Variants in DYRK3 observed in about 807,000 individuals in gnomAD.
DYRK3 encodes the protein dual specificity tyrosine-phosphorylation-regulated kinase 3.
DYRK3 carries 30 observed loss-of-function variants against 40.8 expected under a neutral mutation model. The ratio of observed to expected loss-of-function variants is 0.74; its 90% CI spans 0.55 to 1.00. The LOEUF (loss-of-function observed/expected upper bound fraction) is 1.00, where lower values mean the gene tolerates loss of function less well. DYRK3 is among the 50% of genes least tolerant of loss of function. The pLI is 0.00. For synonymous variants in DYRK3, 272 were observed against 260.7 expected (o/e 1.04, Z -0.42); for missense variants, 699 against 731.5 (o/e 0.96, Z 0.51).
chr1:206,641,023 G>A (rs1013320038), intron 2 of DYRK3, among the ~76,000 whole-genome samples: 81 of 152,084 alleles, frequency 5.3e-4, no homozygotes, highest in African/African-American at 1.9e-3. Context: ...ACTTGGTAGA[G>A]TCAGTCATAT....
rs997505401 is a variant in DYRK3, at chr1:206,652,301, A to G, written c.*3336A>G. 2.6e-5 allele frequency among the ~76,000 whole-genome samples: 4 copies of G among 152,128 alleles called. No homozygotes were observed. Among genetic ancestry groups the G allele is most frequent in the Non-Finnish European group, 2.9e-5 (2 of 68,020 alleles). On this transcript the variant is annotated 3_prime_UTR_variant, in exon 3 of 3. Coordinates refer to ENST00000367109, the MANE Select transcript of DYRK3 (RefSeq NM_003582.4). ...TAAGCAAACTGTTAAAAGCATTACT[A>G]CCCCATATGCATCTGATGTACACTG... is the stretch of plus-strand genomic sequence containing the variant.
In DYRK3 at chr1:206,654,812, A is replaced by G. The variant is rs909407301; in HGVS notation, c.*5847A>G. On this transcript the variant is annotated 3_prime_UTR_variant, in exon 3 of 3. Coordinates refer to ENST00000367109, the MANE Select transcript of DYRK3 (RefSeq NM_003582.4). ...GAAGAAGCAGGGTATGATTCTTAAT[A>G]TAGCCCACCCATCGCTAAGTCAAGC... Among the ~76,000 whole-genome samples the G allele has an allele frequency of 6.6e-6, 1 of 152,248 alleles. No individual in the cohort carries two copies. The highest frequency in any genetic ancestry group is 2.1e-4 in the South Asian group (1 of 4,834).
At chr1:206,635,988 G>A (rs960433877) in intron 1 of DYRK3, 23 of 1,390,512 alleles carry the variant, frequency 1.7e-5, no homozygotes, top group Admixed American at 1.1e-4. Flanking sequence ...CGGGGGACGG[G>A]GCTAGAGCGG....
Position 206,652,566 on chromosome 1 carries a change from G to GTGA in DYRK3, c.*3604_*3606dup, listed in dbSNP as rs1671659352. On this transcript the variant is annotated 3_prime_UTR_variant, in exon 3 of 3. Transcript: ENST00000367109. ...CTGCCTCAATTTGGCAACCGAGAGA[G>GTGA]TGATGCAGAGCAGAGTCATTGAAGT... 6.6e-6 allele frequency among the ~76,000 whole-genome samples: 1 copy of GTGA among 152,220 alleles called. No individual in the cohort carries two copies. The highest frequency in any genetic ancestry group is 2.4e-5 in the African/African-American group (1 of 41,462).
intron 2 of DYRK3, among the ~76,000 whole-genome samples, chr1:206,639,588 A>G (rs1323905414): frequency 2.0e-5 from 3 of 150,872 alleles, no homozygotes; most frequent in African/African-American, 4.9e-5. Context: ...CACCCTCCCA[A>G]GTAGCTGGGA....
intron 2 of DYRK3, among the ~76,000 whole-genome samples, chr1:206,645,254 T>C (rs1217935028): frequency 3.3e-5 from 5 of 152,180 alleles, no homozygotes. Flanking sequence ...AAGGTTTGAC[T>C]ACTTTTTAGC....
At chr1:206,638,540 C>T (rs1558554774) in intron 2 of DYRK3, among the ~76,000 whole-genome samples, 1 of 151,060 alleles carries the variant, frequency 6.6e-6, no homozygotes, top group Non-Finnish European at 1.5e-5. Flanking sequence ...TCCCAAAGTG[C>T]TGGGATTACA....
intron 2 of DYRK3, among the ~76,000 whole-genome samples, chr1:206,645,717 G>A (rs1195725206): frequency 6.6e-6 from 1 of 150,782 alleles, no homozygotes; most frequent in Non-Finnish European, 1.5e-5. Context: ...AGTAGAGGTG[G>A]GGTTTTGCCA....
chr1:206,651,607 G>GTAGGCCCAACAGTGTCATGA lies in DYRK3; in HGVS notation c.*2643_*2662dup, dbSNP rs1334060281. ...ACATTGACTTATGAATGGTTTTCCT[G>GTAGGCCCAACAGTGTCATGA]TAGGCCCAACAGTGTCATGACCCTC... On this transcript the variant is annotated 3_prime_UTR_variant, in exon 3 of 3. Transcript: ENST00000367109. Among the ~76,000 whole-genome samples the GTAGGCCCAACAGTGTCATGA allele has an allele frequency of 6.6e-6, 1 of 152,178 alleles. No individual in the cohort carries two copies. The highest frequency in any genetic ancestry group is 1.5e-5 in the Non-Finnish European group (1 of 68,032).
chr1:206,650,159 T>G lies in DYRK3; in HGVS notation c.*1194T>G, dbSNP rs1413348790. ...TAAGCCAGTGTCCTACTTACAAGGGTGGAGACGGGACAGAAGCTAACTCAC... is the reference window on the plus strand; with the variant it reads ...TAAGCCAGTGTCCTACTTACAAGGGGGGAGACGGGACAGAAGCTAACTCAC... On this transcript the variant is annotated 3_prime_UTR_variant, in exon 3 of 3. Coordinates refer to ENST00000367109, the MANE Select transcript of DYRK3 (RefSeq NM_003582.4). Among the ~76,000 whole-genome samples, 1 of 152,246 alleles carries G rather than the reference T, an allele frequency of 6.6e-6. No homozygotes were observed. Among genetic ancestry groups the G allele is most frequent in the Non-Finnish European group, 1.5e-5 (1 of 68,048 alleles).
At chr1:206,643,101 A>T (rs972827291) in intron 2 of DYRK3, among the ~76,000 whole-genome samples, 9 of 152,046 alleles carry the variant, frequency 5.9e-5, no homozygotes, top group Admixed American at 4.6e-4. Context: ...AGTGCAGCCT[A>T]TGTTGAGAAT....
rs55721647 is a variant in DYRK3 at position 206,647,778 on chromosome 1, G to T, written c.580G>T (p.Asp194Tyr). ...CAATAATGGAGGGTATGATGATGCA[G>T]ATGGGGCCTATATTCATGTACCTCG... is the stretch of plus-strand genomic sequence containing the variant. ...GPNNGGYDDA[D>Y]GAYIHVPRDH... Residue 194 changes from aspartate (D) to tyrosine (Y), a missense_variant, in exon 3 of 3, where the codon GAT (aspartate) becomes TAT (tyrosine). By Grantham distance (160) the Asp-to-Tyr change is radical. Coordinates refer to ENST00000367109, the MANE Select transcript of DYRK3 (RefSeq NM_003582.4). The T allele has an allele frequency of 3.9e-5, 63 of 1,614,042 alleles. No individual in the cohort carries two copies. The highest frequency in any genetic ancestry group is 5.2e-5 in the Non-Finnish European group (61 of 1,180,036).
intron 2 of DYRK3, among the ~76,000 whole-genome samples, chr1:206,645,682 CTTTT>C (rs1226901506): frequency 2.4e-5 from 3 of 126,934 alleles, no homozygotes; most frequent in Non-Finnish European, 5.1e-5. Flanking sequence ...TCACATCTGG[CTTTT>C]TTTTTTTTTT....
chr1:206,644,749 A>G (rs1175309332), intron 2 of DYRK3, among the ~76,000 whole-genome samples: 1 of 152,168 alleles, frequency 6.6e-6, no homozygotes, highest in Non-Finnish European at 1.5e-5. Flanking sequence ...CATGTTGGCC[A>G]TGCTGGTCTC....
intron 1 of DYRK3, 55 bp downstream of exon 1, chr1:206,635,835 G>C: frequency 8.1e-7 from 1 of 1,241,390 alleles, no homozygotes; most frequent in Non-Finnish European, 1.0e-6. Context: ...GGCTGGCGCT[G>C]GCAAGCGAAG....
At chr1:206,639,697 T>G (rs2102332153) in intron 2 of DYRK3, among the ~76,000 whole-genome samples, 1 of 151,972 alleles carries the variant, frequency 6.6e-6, no homozygotes, top group African/African-American at 2.4e-5. Context: ...CCTGACCTTG[T>G]GATGCACCCA....
Position 206,650,834 on chromosome 1 carries a change from T to G in DYRK3, c.*1869T>G, listed in dbSNP as rs1671613398. On this transcript the variant is annotated 3_prime_UTR_variant, in exon 3 of 3. Coordinates refer to ENST00000367109, the MANE Select transcript of DYRK3 (RefSeq NM_003582.4). ...TCTCATTTAAATGTCCACAGTGGCT[T>G]TAGTCTCCCAAGTACAAGGGCCAGA... Among the ~76,000 whole-genome samples the G allele has an allele frequency of 6.6e-6, 1 of 152,192 alleles. No individual in the cohort carries two copies. The highest frequency in any genetic ancestry group is 6.5e-5 in the Admixed American group (1 of 15,282).
intron 2 of DYRK3, among the ~76,000 whole-genome samples, chr1:206,642,863 A>C (rs1191327746): frequency 8.5e-5 from 13 of 152,174 alleles, no homozygotes; most frequent in Admixed American, 8.5e-4. Flanking sequence ...AACATGGCAC[A>C]TGTATACATA....
chr1:206,653,734 A>G lies in DYRK3; in HGVS notation c.*4769A>G, dbSNP rs1461924149. Among the ~76,000 whole-genome samples the G allele has an allele frequency of 6.6e-6, 1 of 152,228 alleles. No individual in the cohort carries two copies. Among genetic ancestry groups the G allele is most frequent in the African/African-American group, 2.4e-5 (1 of 41,452 alleles). On this transcript the variant is annotated 3_prime_UTR_variant, in exon 3 of 3. Transcript: ENST00000367109. ...TGAATACCACCAAAACCTAACTATGATGTAAGGATTCTGCTTCTGCCCCAC... is the reference window on the plus strand; with the variant it reads ...TGAATACCACCAAAACCTAACTATGGTGTAAGGATTCTGCTTCTGCCCCAC...
Sources: allele counts gnomAD v4.1 joint callset (sites outside exome capture counted in the v4.1 genomes callset), GRCh38; gene constraint gnomAD v4.1.1; transcripts MANE v1.5; gene names NCBI Gene and HGNC (gene_info 2026-07-23, HGNC 2026-07-21).